Variants in CELF4 observed in about 807,000 individuals in gnomAD.
The protein encoded by CELF4 is CUG-BP- and ETR-3-like factor 4.
Under a neutral mutation model 59.9 loss-of-function variants are expected in CELF4, and 18 were observed. That is an observed-to-expected ratio of 0.30 (90% confidence interval 0.21 to 0.45). The LOEUF (loss-of-function observed/expected upper bound fraction) is 0.45, where lower values mean the gene tolerates loss of function less well. Ranked by LOEUF, CELF4 falls within the 20% of genes least tolerant of loss-of-function variation. The pLI is 1.00. For synonymous variants in CELF4, 261 were observed against 267.1 expected, an observed-to-expected ratio of 0.98 and a Z score of 0.22; for missense variants, 456 against 689.0, an observed-to-expected ratio of 0.66 and a Z score of 3.79.
chr18:37,457,832 T>G (rs1372143468), intron 2 of CELF4, among the ~76,000 whole-genome samples: 1 of 152,104 alleles, frequency 6.6e-6, no homozygotes, highest in East Asian at 1.9e-4. Context: ...CTGTCCTCTA[T>G]CCCTGCCCAC....
intron 1 of CELF4, among the ~76,000 whole-genome samples, chr18:37,525,719 A>C (rs188742678): frequency 6.6e-6 from 1 of 152,142 alleles, no homozygotes; most frequent in Admixed American, 6.5e-5. Context: ...ATTCATGAAC[A>C]TTTACATTGA....
Position 37,246,623 on chromosome 18 carries a change from A to G in CELF4, c.*45-1426T>C, listed in dbSNP as rs568340283. ...TTTTTTCCCTTTGAAGTGAGATTGA[A>G]AATAGCCTAACTGGAAAAAGACCAG... On this transcript the variant is annotated intron_variant, in intron 12 of 12. Coordinates refer to ENST00000420428, the MANE Select transcript of CELF4 (RefSeq NM_020180.4). This position sits in a 1 kb window ranked among gnomAD's most constrained non-coding sequence, Gnocchi z 5.3. Among the ~76,000 whole-genome samples, 1 of 152,158 alleles carries G rather than the reference A, an allele frequency of 6.6e-6. No individual in the cohort carries two copies. The highest frequency in any genetic ancestry group is 6.5e-5 in the Admixed American group (1 of 15,298).
intron 2 of CELF4, among the ~76,000 whole-genome samples, chr18:37,360,243 T>A (rs755698421): frequency 6.6e-6 from 1 of 152,126 alleles, no homozygotes; most frequent in Non-Finnish European, 1.5e-5. Flanking sequence ...ACCACCACCA[T>A]GGACACTAAA....
intron 2 of CELF4, among the ~76,000 whole-genome samples, chr18:37,355,626 T>C (rs1419579157): frequency 6.6e-6 from 1 of 150,856 alleles, no homozygotes; most frequent in Non-Finnish European, 1.5e-5. Flanking sequence ...TGAGCCGAGA[T>C]CACACCACTG....
At chr18:37,297,565 TACAA>T (rs1308133930) in intron 3 of CELF4, among the ~76,000 whole-genome samples, 1 of 152,236 alleles carries the variant, frequency 6.6e-6, no homozygotes, top group African/African-American at 2.4e-5. Flanking sequence ...AGATAAAATT[TACAA>T]ACAGTGACAT....
intron 2 of CELF4, among the ~76,000 whole-genome samples, chr18:37,375,234 G>T (rs753966832): frequency 6.6e-6 from 1 of 152,188 alleles, no homozygotes; most frequent in Admixed American, 6.5e-5. Flanking sequence ...CTGCCTGCCT[G>T]GCAAACAAAT....
chr18:37,549,212 T>C (rs1009325260), intron 1 of CELF4, among the ~76,000 whole-genome samples: 25 of 152,178 alleles, frequency 1.6e-4, no homozygotes, highest in African/African-American at 5.8e-4. Context: ...GCATTTGCTA[T>C]TTTTCTGAAA....
intron 2 of CELF4, among the ~76,000 whole-genome samples, chr18:37,470,876 GTGTGTGT>G (rs1569569548): frequency 0.014 from 1,597 of 114,338 alleles, 16 homozygotes; most frequent in East Asian, 0.067. Context: ...GTGTGTGTGT[GTGTGTGT>G]GTGTGACAGA....
chr18:37,413,420 T>C (rs2099492661), intron 2 of CELF4, among the ~76,000 whole-genome samples: 1 of 152,152 alleles, frequency 6.6e-6, no homozygotes, highest in South Asian at 2.1e-4. Flanking sequence ...GGGTATGTTG[T>C]GGGGCATGTT....
chr18:37,491,645 G>A (rs927132562), intron 1 of CELF4, among the ~76,000 whole-genome samples: 2 of 152,180 alleles, frequency 1.3e-5, no homozygotes, highest in African/African-American at 4.8e-5. Context: ...AGTGAGGAGG[G>A]AAGGGAGAAG....
chr18:37,462,143 A>T (rs535349652), intron 2 of CELF4, among the ~76,000 whole-genome samples: 112 of 152,212 alleles, frequency 7.4e-4, no homozygotes, highest in African/African-American at 2.3e-3. Flanking sequence ...GCACCCTGAG[A>T]GCTCAGCAGA....
At chr18:37,390,343 C>G (rs1340471410) in intron 2 of CELF4, among the ~76,000 whole-genome samples, 1 of 152,160 alleles carries the variant, frequency 6.6e-6, no homozygotes, top group Non-Finnish European at 1.5e-5. Flanking sequence ...TGTGGCAGCC[C>G]CCAGCCTGTC....
At chr18:37,530,617 C>G (rs2099968554) in intron 1 of CELF4, among the ~76,000 whole-genome samples, 1 of 152,158 alleles carries the variant, frequency 6.6e-6, no homozygotes, top group Non-Finnish European at 1.5e-5. Flanking sequence ...TAGCTCCCCT[C>G]AGTCCGATGG....
chr18:37,563,257 G>T (rs935167974), intron 1 of CELF4, among the ~76,000 whole-genome samples: 1 of 152,040 alleles, frequency 6.6e-6, no homozygotes, highest in African/African-American at 2.4e-5. Flanking sequence ...TATTGTTAAA[G>T]TTTATCTTCA....
chr18:37,564,062 G>T (rs188174606), intron 1 of CELF4, among the ~76,000 whole-genome samples: 1 of 152,152 alleles, frequency 6.6e-6, no homozygotes, highest in Non-Finnish European at 1.5e-5. Context: ...ATGTGGGGGT[G>T]GGTGTGCGTG....
At chr18:37,565,267 G>A (rs2099987885) in intron 1 of CELF4, 89 bp downstream of exon 1, 1 of 1,424,506 alleles carries the variant, frequency 7.0e-7, no homozygotes, top group Admixed American at 2.4e-5. Context: ...CTCTCGCTTA[G>A]TCCGCCGCTC....
chr18:37,406,958 G>T (rs1187030290), intron 2 of CELF4, among the ~76,000 whole-genome samples: 2 of 152,214 alleles, frequency 1.3e-5, no homozygotes, highest in Non-Finnish European at 2.9e-5. Context: ...TGGGAGAGCT[G>T]CTGATGTGTC....
intron 1 of CELF4, among the ~76,000 whole-genome samples, chr18:37,492,377 G>T (rs985828502): frequency 6.6e-6 from 1 of 152,156 alleles, no homozygotes; most frequent in Non-Finnish European, 1.5e-5. Context: ...GAATCACCTG[G>T]AAGATTTAAA....
intron 1 of CELF4, chr18:37,485,822 C>T: frequency 2.7e-6 from 1 of 368,676 alleles, no homozygotes; most frequent in East Asian, 3.8e-5. Context: ...TTCTATTTTG[C>T]TCCCTCCGCG....
Sources: allele counts gnomAD v4.1 joint callset (sites outside exome capture counted in the v4.1 genomes callset), GRCh38; gene constraint gnomAD v4.1.1; non-coding constraint Gnocchi (gnomAD v3.1); transcripts MANE v1.5; gene names NCBI Gene and HGNC (gene_info 2026-07-23, HGNC 2026-07-21).